Variants in GALNT13 observed in about 807,000 individuals in gnomAD.
The protein encoded by GALNT13 is polypeptide N-acetylgalactosaminyltransferase 13.
GALNT13 carries 28 observed loss-of-function variants against 64.2 expected under a neutral mutation model. The observed-to-expected ratio is 0.44, with a 90% CI of 0.32 to 0.60. The LOEUF (loss-of-function observed/expected upper bound fraction) is 0.60. Ranked by LOEUF, GALNT13 falls within the 20% of genes least tolerant of loss-of-function variation. The probability of loss-of-function intolerance (pLI) is 0.05; values close to 1 mark genes in which losing one functional copy is unlikely to be tolerated. For missense variants in GALNT13, 577 were observed against 669.8 expected, an observed-to-expected ratio of 0.86 and a Z score of 1.53; for synonymous variants, 214 against 224.6, an observed-to-expected ratio of 0.95 and a Z score of 0.42.
At chr2:154,085,713 C>A (rs140790795) in intron 3 of GALNT13, among the ~76,000 whole-genome samples, 9 of 152,132 alleles carry the variant, frequency 5.9e-5, no homozygotes, top group African/African-American at 2.2e-4. Flanking sequence ...AAATAGAGTT[C>A]ATTCCTCACT....
intron 2 of GALNT13, among the ~76,000 whole-genome samples, chr2:153,915,973 G>T (rs1396776303): frequency 1.3e-5 from 2 of 151,878 alleles, no homozygotes; most frequent in Non-Finnish European, 2.9e-5. Flanking sequence ...TGTTTTGTTG[G>T]TTACCTAGTA....
At chr2:153,099,511 G>A in the GALNT13 span, among the ~76,000 whole-genome samples, 28 of 152,190 alleles carry the variant, frequency 1.8e-4, no homozygotes, top group East Asian at 1.2e-3. Flanking sequence ...GCTAATAAAG[G>A]CAGGCAAATA....
the GALNT13 span, among the ~76,000 whole-genome samples, chr2:153,442,832 CTTTG>C: frequency 9.2e-5 from 14 of 152,172 alleles, no homozygotes; most frequent in Non-Finnish European, 1.8e-4. Flanking sequence ...TCCCGAGTGG[CTTTG>C]TTTGCACTGT....
chr2:153,834,904 T>G, the GALNT13 span, among the ~76,000 whole-genome samples: 1 of 152,080 alleles, frequency 6.6e-6, no homozygotes, highest in Non-Finnish European at 1.5e-5. Flanking sequence ...TCAATGGGGA[T>G]AAGCATATTT....
chr2:154,109,464 T>C (rs1574515577), intron 3 of GALNT13, among the ~76,000 whole-genome samples: 1 of 152,176 alleles, frequency 6.6e-6, no homozygotes, highest in Admixed American at 6.5e-5. Flanking sequence ...AGATGACTTT[T>C]TTTTTTCTCT....
intron 9 of GALNT13, among the ~76,000 whole-genome samples, chr2:154,354,219 C>T (rs574530038): frequency 2.6e-5 from 4 of 151,946 alleles, no homozygotes; most frequent in Non-Finnish European, 4.4e-5. Context: ...AATTTCTGTT[C>T]AGGTCTTTTG....
chr2:153,320,450 C>T, the GALNT13 span, among the ~76,000 whole-genome samples: 2 of 152,152 alleles, frequency 1.3e-5, no homozygotes, highest in African/African-American at 4.8e-5. Context: ...TAAAAGTGAA[C>T]ATGACAGATG....
chr2:153,646,733 G>A, the GALNT13 span, among the ~76,000 whole-genome samples: 2 of 151,964 alleles, frequency 1.3e-5, no homozygotes, highest in East Asian at 1.9e-4. Context: ...TCGTCCTTGC[G>A]ATAGTTTGCT....
the GALNT13 span, among the ~76,000 whole-genome samples, chr2:153,818,908 G>A: frequency 6.6e-6 from 1 of 152,096 alleles, no homozygotes; most frequent in Admixed American, 6.5e-5. Flanking sequence ...CTGCTTGAAA[G>A]TTCAGCCAGT....
chr2:154,122,657 T>C (rs1682020478), intron 3 of GALNT13, among the ~76,000 whole-genome samples: 1 of 151,956 alleles, frequency 6.6e-6, no homozygotes. Flanking sequence ...TAGTTTTGTG[T>C]GTTTTGATAG....
the GALNT13 span, among the ~76,000 whole-genome samples, chr2:153,214,268 T>A: frequency 8.5e-5 from 13 of 152,096 alleles, no homozygotes; most frequent in Admixed American, 6.6e-4. Flanking sequence ...TATATATTGA[T>A]AGAGATAAGC....
chr2:153,383,862 AGGATGTTAAGACTCAT>A, the GALNT13 span, among the ~76,000 whole-genome samples: 13 of 152,022 alleles, frequency 8.6e-5, no homozygotes, highest in African/African-American at 3.1e-4. Flanking sequence ...ATAAGACACA[AGGATGTTAAGACTCAT>A]GGGGAAAGAG....
the GALNT13 span, among the ~76,000 whole-genome samples, chr2:153,361,209 G>A: frequency 1.3e-5 from 2 of 152,102 alleles, no homozygotes; most frequent in East Asian, 1.9e-4. Flanking sequence ...AACCACATCC[G>A]AGGGTCAGCA....
intron 3 of GALNT13, among the ~76,000 whole-genome samples, chr2:154,051,201 G>A (rs942890964): frequency 9.3e-5 from 14 of 150,818 alleles, no homozygotes; most frequent in Non-Finnish European, 8.9e-5. Context: ...GCACTGTAGA[G>A]TATAACTTGT....
chr2:154,360,893 T>C (rs1160423964), intron 9 of GALNT13, among the ~76,000 whole-genome samples: 1 of 151,982 alleles, frequency 6.6e-6, no homozygotes, highest in African/African-American at 2.4e-5. Flanking sequence ...GCATTTGACT[T>C]GGGATTATAA....
chr2:154,427,107 G>C lies in GALNT13; in HGVS notation c.1396-11485G>C, dbSNP rs554060931. 2.6e-5 allele frequency among the ~76,000 whole-genome samples: 4 copies of C among 152,310 alleles called. No individual in the cohort carries two copies. The South Asian group carries it at 8.3e-4, about 32-fold the overall frequency. On this transcript the variant is annotated intron_variant, in intron 11 of 12. Coordinates refer to ENST00000392825, the MANE Select transcript of GALNT13 (RefSeq NM_052917.4). ...TATTTAGATATTACTTGAGGCAAAT[G>C]CTTTGTTTAGAGCTTACATGAATTT...
chr2:154,398,351 G>T (rs1381333237), intron 10 of GALNT13, among the ~76,000 whole-genome samples: 2 of 152,138 alleles, frequency 1.3e-5, no homozygotes, highest in African/African-American at 4.8e-5. Context: ...AAGACTCAGG[G>T]CTCTGTAACA....
the GALNT13 span, among the ~76,000 whole-genome samples, chr2:153,098,645 A>C: frequency 2.0e-5 from 3 of 152,284 alleles, no homozygotes; most frequent in East Asian, 5.8e-4. Context: ...CTTAATTGCT[A>C]TATAGTATTC....
At chr2:153,685,967 A>G in the GALNT13 span, among the ~76,000 whole-genome samples, 3 of 151,874 alleles carry the variant, frequency 2.0e-5, no homozygotes, top group Non-Finnish European at 4.4e-5. Flanking sequence ...GTGCGGTCTT[A>G]TTTCTGGGTT....
Sources: allele counts gnomAD v4.1 joint callset (sites outside exome capture counted in the v4.1 genomes callset), GRCh38; gene constraint gnomAD v4.1.1; transcripts MANE v1.5; gene names NCBI Gene and HGNC (gene_info 2026-07-23, HGNC 2026-07-21).